The following MDGA2 variants were observed in gnomAD, a reference collection of about 807,000 sequenced individuals.
MDGA2 encodes the protein MAM domain containing glycosylphosphatidylinositol anchor 2.
In MDGA2, 40 loss-of-function variants were observed where a neutral mutation model predicts 117.8. The observed-to-expected ratio is 0.34, with a 90% CI of 0.26 to 0.44. The LOEUF (loss-of-function observed/expected upper bound fraction) is 0.44. Ranked by LOEUF, MDGA2 falls within the 20% of genes least tolerant of loss-of-function variation. MDGA2 has a pLI of 1.00. For synonymous variants in MDGA2, 452 were observed against 439.0 expected (o/e 1.03, Z -0.37); for missense variants, 1,123 against 1,250.6 (o/e 0.90, Z 1.54).
chr14:47,153,086 A>G (rs566475046), intron 3 of MDGA2, among the ~76,000 whole-genome samples: 80 of 152,180 alleles, frequency 5.3e-4, no homozygotes, highest in Admixed American at 1.2e-3. Context: ...ACAAAAATGG[A>G]CCAAATCATT....
chr14:47,138,660 T>C (rs1364319816), intron 4 of MDGA2, among the ~76,000 whole-genome samples: 2 of 152,118 alleles, frequency 1.3e-5, no homozygotes, highest in Admixed American at 6.5e-5. Context: ...CGTATTTCCA[T>C]ATTACTTATA....
chr14:47,414,384 A>G (rs1892433785), intron 1 of MDGA2, among the ~76,000 whole-genome samples: 1 of 152,204 alleles, frequency 6.6e-6, no homozygotes, highest in African/African-American at 2.4e-5. Flanking sequence ...TCAACTAGTT[A>G]TGAAAAATAA....
chr14:47,601,227 G>A (rs1161967173), intron 1 of MDGA2, among the ~76,000 whole-genome samples: 1 of 152,156 alleles, frequency 6.6e-6, no homozygotes, highest in Non-Finnish European at 1.5e-5. Context: ...GAGGCATGAA[G>A]AAAGTAGTGA....
intron 1 of MDGA2, among the ~76,000 whole-genome samples, chr14:47,419,691 A>G (rs1405736112): frequency 3.9e-5 from 6 of 152,052 alleles, no homozygotes; most frequent in Non-Finnish European, 7.4e-5. Context: ...TGTAAAGAAA[A>G]TATACTATAT....
intron 1 of MDGA2, among the ~76,000 whole-genome samples, chr14:47,561,287 C>T: frequency 6.6e-6 from 1 of 151,088 alleles, no homozygotes; most frequent in Non-Finnish European, 1.5e-5. Context: ...GGTAGTTTTA[C>T]AGAAATAGCA....
intron 8 of MDGA2, among the ~76,000 whole-genome samples, chr14:46,964,803 C>G (rs539669967): frequency 6.6e-6 from 1 of 151,252 alleles, no homozygotes; most frequent in Admixed American, 6.6e-5. Flanking sequence ...GCAAAGTTAA[C>G]GTGTTTGTAG....
chr14:46,860,901 T>G (rs949182354), intron 14 of MDGA2, among the ~76,000 whole-genome samples: 6 of 151,972 alleles, frequency 3.9e-5, no homozygotes, highest in Non-Finnish European at 7.4e-5. Flanking sequence ...CAGTAAGTCT[T>G]TTTCACCAGT....
intron 5 of MDGA2, among the ~76,000 whole-genome samples, chr14:47,113,272 C>A (rs943013895): frequency 1.3e-5 from 2 of 151,912 alleles, no homozygotes; most frequent in African/African-American, 4.8e-5. Context: ...CCTGAATAGA[C>A]CAATAACAAG....
intron 1 of MDGA2, among the ~76,000 whole-genome samples, chr14:47,413,619 G>A (rs1033865286): frequency 1.3e-5 from 2 of 151,436 alleles, no homozygotes; most frequent in African/African-American, 4.8e-5. Flanking sequence ...CAAAAAGACT[G>A]GCCATCCCTC....
At chr14:47,658,113 T>C (rs910590347) in intron 1 of MDGA2, among the ~76,000 whole-genome samples, 4 of 152,126 alleles carry the variant, frequency 2.6e-5, no homozygotes, top group East Asian at 3.9e-4. Flanking sequence ...CCTGTGACAG[T>C]TGTCACCTGT....
chr14:47,099,685 C>T (rs1163771397), intron 5 of MDGA2, among the ~76,000 whole-genome samples: 1 of 151,834 alleles, frequency 6.6e-6, no homozygotes, highest in Non-Finnish European at 1.5e-5. Context: ...GAGTAAGGTA[C>T]CTGGGTTCAA....
At chr14:46,944,099 A>G (rs1885088846) in intron 9 of MDGA2, among the ~76,000 whole-genome samples, 1 of 152,040 alleles carries the variant, frequency 6.6e-6, no homozygotes, top group Non-Finnish European at 1.5e-5. Flanking sequence ...CCTGGTCTTC[A>G]CTGATAGCCT....
intron 1 of MDGA2, among the ~76,000 whole-genome samples, chr14:47,384,194 G>A (rs1231758457): frequency 1.3e-5 from 2 of 151,448 alleles, no homozygotes; most frequent in Non-Finnish European, 2.9e-5. Context: ...AAAAATTCCA[G>A]GAGGCAATAA....
chr14:47,103,850 A>T (rs570793197), intron 5 of MDGA2, among the ~76,000 whole-genome samples: 3 of 152,316 alleles, frequency 2.0e-5, no homozygotes, highest in African/African-American at 7.2e-5. Context: ...CTAGTGCAAT[A>T]GGTTCCCTAC....
intron 1 of MDGA2, among the ~76,000 whole-genome samples, chr14:47,317,507 C>T (rs1339911470): frequency 2.0e-5 from 3 of 152,048 alleles, no homozygotes; most frequent in African/African-American, 7.2e-5. Context: ...AAGCTAAGGG[C>T]ATTTATACCT....
chr14:47,146,285 C>CT (rs771266661), intron 3 of MDGA2, among the ~76,000 whole-genome samples: 1 of 152,022 alleles, frequency 6.6e-6, no homozygotes. Context: ...ATTCTGAGGG[C>CT]TTTTTTTCTT....
At chr14:47,039,343 T>C (rs1376567004) in intron 7 of MDGA2, among the ~76,000 whole-genome samples, 1 of 152,230 alleles carries the variant, frequency 6.6e-6, no homozygotes, top group African/African-American at 2.4e-5. Flanking sequence ...ATTATTTGTT[T>C]CACCATTTCC....
Position 47,268,156 on chromosome 14 carries a change from T to G in MDGA2, c.420+33255A>C, listed in dbSNP as rs578106123. On this transcript the variant is annotated intron_variant, in intron 2 of 16. Coordinates refer to ENST00000399232, the MANE Select transcript of MDGA2 (RefSeq NM_001113498.3). ...GGTGCCATCTCGGCTCACTGCAACC[T>G]CCGCCTCCCTGGTTCAAGCCATTCT... is the stretch of plus-strand genomic sequence containing the variant. 9.9e-5 allele frequency among the ~76,000 whole-genome samples: 15 copies of G among 151,734 alleles called. No individual in the cohort carries two copies. In the East Asian group the frequency reaches 2.3e-3, roughly 24 times the overall value.
intron 1 of MDGA2, among the ~76,000 whole-genome samples, chr14:47,573,081 C>T (rs542630050): frequency 2.0e-5 from 3 of 152,134 alleles, no homozygotes; most frequent in East Asian, 1.9e-4. Flanking sequence ...AACGACCAAC[C>T]CCTCTGCAAC....
Sources: allele counts gnomAD v4.1 joint callset (sites outside exome capture counted in the v4.1 genomes callset), GRCh38; gene constraint gnomAD v4.1.1; transcripts MANE v1.5; gene names NCBI Gene and HGNC (gene_info 2026-07-23, HGNC 2026-07-21).